KAT6B: variants seen among roughly 807,000 people sequenced by gnomAD.
KAT6B encodes lysine acetyltransferase 6B, also known as histone acetyltransferase KAT6B.
KAT6B carries 10 observed loss-of-function variants against 187.5 expected under a neutral mutation model. The observed-to-expected ratio is 0.05, with a 90% CI of 0.03 to 0.09. The LOEUF (loss-of-function observed/expected upper bound fraction) is 0.09. Among genes scored for constraint, KAT6B ranks in the 10% least tolerant of loss-of-function variants. The pLI, the probability that KAT6B is intolerant of heterozygous loss-of-function variation, is 1.00. For synonymous variants in KAT6B, 861 were observed against 926.8 expected, an observed-to-expected ratio of 0.93 and a Z score of 1.29; for missense variants, 1,952 against 2,558.9, an observed-to-expected ratio of 0.76 and a Z score of 5.12.
rs1428430487 is a variant in KAT6B at position 74,905,282 on chromosome 10, C to T, written c.622-54688C>T. The stretch of plus-strand genomic sequence containing the variant: ...TGTGAGAGATCATTGCCTCAGGCCA[C>T]AGCGACTAGGTGTGTGGCAGAGTTA... On this transcript the variant is annotated intron_variant, in intron 3 of 17. Coordinates refer to ENST00000287239, the MANE Select transcript of KAT6B (RefSeq NM_012330.4). Among the ~76,000 whole-genome samples, 6 of 152,168 alleles carry T rather than the reference C, an allele frequency of 3.9e-5. No homozygotes were observed. In the East Asian group the frequency reaches 1.2e-3, roughly 29 times the overall value.
intron 1 of KAT6B, among the ~76,000 whole-genome samples, chr10:74,830,770 T>TATA (rs60886313): frequency 3.1e-3 from 30 of 9,626 alleles, no homozygotes; most frequent in Non-Finnish European, 5.0e-3. Flanking sequence ...ATATATATAT[T>TATA]TTTTTTTTTT....
chr10:74,840,108 A>C (rs1438920043), intron 2 of KAT6B, among the ~76,000 whole-genome samples: 2 of 152,228 alleles, frequency 1.3e-5, no homozygotes, highest in Non-Finnish European at 2.9e-5. Context: ...TTTTGAAAAA[A>C]GATCTGGGAT....
intron 3 of KAT6B, among the ~76,000 whole-genome samples, chr10:74,885,153 G>A (rs1018030845): frequency 7.3e-5 from 11 of 151,576 alleles, no homozygotes; most frequent in Non-Finnish European, 1.5e-4. Flanking sequence ...CTGCAGCCTC[G>A]ACCTCCTGGG....
chr10:74,982,564 G>T (rs1842577900), intron 11 of KAT6B: 1 of 153,190 alleles, frequency 6.5e-6, no homozygotes, highest in Non-Finnish European at 1.5e-5. Context: ...TAGTTGCATT[G>T]TTTAATTATG....
chr10:74,860,856 G>A (rs80004553), intron 3 of KAT6B, among the ~76,000 whole-genome samples: 16,740 of 152,052 alleles, frequency 0.11, 2,141 homozygotes, highest in African/African-American at 0.31. Flanking sequence ...AAATTAGCTG[G>A]GCCAGGCGCA....
At chr10:74,920,448 C>T (rs1422176306) in intron 3 of KAT6B, among the ~76,000 whole-genome samples, 1 of 152,158 alleles carries the variant, frequency 6.6e-6, no homozygotes, top group East Asian at 1.9e-4. Flanking sequence ...CTGTCCTCAC[C>T]AATTTTTGAC....
chr10:74,958,519 G>A (rs533152778), intron 3 of KAT6B, among the ~76,000 whole-genome samples: 2 of 152,176 alleles, frequency 1.3e-5, no homozygotes, highest in South Asian at 2.1e-4. Flanking sequence ...TGGAATATGC[G>A]GTAAAATTAC....
At chr10:74,828,671 C>T (rs565366349) in intron 1 of KAT6B, among the ~76,000 whole-genome samples, 15 of 151,182 alleles carry the variant, frequency 9.9e-5, no homozygotes, top group Non-Finnish European at 2.1e-4. Context: ...GGGTTCACGC[C>T]ATTGTCCTGC....
At chr10:74,935,311 A>T (rs1037790046) in intron 3 of KAT6B, among the ~76,000 whole-genome samples, 2 of 152,252 alleles carry the variant, frequency 1.3e-5, no homozygotes, top group African/African-American at 4.8e-5. Flanking sequence ...CTGTGTACTC[A>T]TATATAGCTA....
intron 3 of KAT6B, among the ~76,000 whole-genome samples, chr10:74,944,299 G>C (rs531155529): frequency 6.6e-6 from 1 of 152,332 alleles, no homozygotes; most frequent in South Asian, 2.1e-4. Context: ...TGGCCAGTGT[G>C]ATTCTCTGCA....
chr10:74,844,165 T>C (rs1187373934), intron 3 of KAT6B, among the ~76,000 whole-genome samples: 1 of 152,068 alleles, frequency 6.6e-6, no homozygotes, highest in African/African-American at 2.4e-5. Flanking sequence ...TGAGCCACCA[T>C]GCCCAGCTAG....
intron 3 of KAT6B, among the ~76,000 whole-genome samples, chr10:74,884,849 G>C (rs1022540136): frequency 6.6e-6 from 1 of 151,868 alleles, no homozygotes; most frequent in Non-Finnish European, 1.5e-5. Context: ...GATTACAGGC[G>C]TGAGCTACAG....
intron 3 of KAT6B, among the ~76,000 whole-genome samples, chr10:74,903,239 A>G (rs1846525147): frequency 6.6e-6 from 1 of 152,010 alleles, no homozygotes; most frequent in African/African-American, 2.4e-5. Flanking sequence ...ACCCCCAGTG[A>G]CCCTGCCCTT....
intron 1 of KAT6B, among the ~76,000 whole-genome samples, chr10:74,837,434 A>G (rs1841381997): frequency 1.3e-5 from 2 of 152,310 alleles, no homozygotes; most frequent in Middle Eastern, 3.4e-3. Context: ...TCAAGTTTTT[A>G]TAGAAAAAAA....
intron 4 of KAT6B, among the ~76,000 whole-genome samples, chr10:74,965,278 A>G (rs979201880): frequency 1.3e-5 from 2 of 152,150 alleles, no homozygotes; most frequent in African/African-American, 4.8e-5. Flanking sequence ...GTCCCATCCA[A>G]TCACATTCAT....
intron 3 of KAT6B, among the ~76,000 whole-genome samples, chr10:74,925,787 G>A (rs1356432304): frequency 6.6e-6 from 1 of 152,122 alleles, no homozygotes; most frequent in African/African-American, 2.4e-5. Context: ...GCTAGACTGG[G>A]AATTCTTTTA....
chr10:74,927,329 C>T (rs1260185407), intron 3 of KAT6B, among the ~76,000 whole-genome samples: 1 of 152,070 alleles, frequency 6.6e-6, no homozygotes, highest in Non-Finnish European at 1.5e-5. Context: ...TGGGGCCTCA[C>T]TGTTTCTGTG....
At chr10:74,828,460 T>G (rs954772010) in intron 1 of KAT6B, among the ~76,000 whole-genome samples, 16 of 120,490 alleles carry the variant, frequency 1.3e-4, no homozygotes, top group Middle Eastern at 3.9e-3. Flanking sequence ...TTTTTGTGTT[T>G]TTTTTTTTTT....
chr10:74,967,375 A>T lies in KAT6B; in HGVS notation c.731-2285A>T, dbSNP rs373067306. On this transcript the variant is annotated intron_variant, in intron 4 of 17. Transcript: ENST00000287239. ...AGTGTTAGAGGAAATTGTTGAGTTT[A>T]TGAAATCGCTAAACCAGAGGTAAGG... Among the ~76,000 whole-genome samples, 3 of 152,250 alleles carry T rather than the reference A, an allele frequency of 2.0e-5. No homozygotes were observed. The East Asian group carries it at 5.8e-4, about 29-fold the overall frequency.
Sources: allele counts gnomAD v4.1 joint callset (sites outside exome capture counted in the v4.1 genomes callset), GRCh38; gene constraint gnomAD v4.1.1; transcripts MANE v1.5; gene names NCBI Gene and HGNC (gene_info 2026-07-23, HGNC 2026-07-21).